TBX22: variants seen among roughly 807,000 people sequenced by gnomAD.
TBX22 encodes T-box transcription factor TBX22.
A neutral mutation model predicts 30.1 loss-of-function variants in TBX22; 8 were observed. That is an observed-to-expected ratio of 0.27 (90% CI 0.16 to 0.48). The LOEUF (loss-of-function observed/expected upper bound fraction) is 0.48, where lower values mean the gene tolerates loss of function less well. Among genes scored for constraint, TBX22 ranks in the 20% least tolerant of loss-of-function variants. The pLI, the probability that TBX22 is intolerant of heterozygous loss-of-function variation, is 0.99. For missense variants in TBX22, 463 were observed against 400.5 expected, an observed-to-expected ratio of 1.16 and a Z score of -1.33; for synonymous variants, 173 against 149.1, an observed-to-expected ratio of 1.16 and a Z score of -1.17.
chrX:80,018,833 T>A (rs1352077032), intron 1 of TBX22, among the ~76,000 whole-genome samples: 1 of 112,213 alleles, frequency 8.9e-6, no homozygotes, highest in African/African-American at 3.2e-5. Flanking sequence ...TTGTGTAAGG[T>A]CATTCAGATA....
chrX:80,029,732 T>A (rs936762905), intron 8 of TBX22, among the ~76,000 whole-genome samples: 1 of 112,237 alleles, frequency 8.9e-6, no homozygotes, highest in African/African-American at 3.2e-5. Flanking sequence ...AAACAACCAA[T>A]CAATTTGTGC....
At chrX:80,030,039 G>C (rs1346901041) in intron 8 of TBX22, among the ~76,000 whole-genome samples, 1 of 111,687 alleles carries the variant, frequency 9.0e-6, no homozygotes, top group African/African-American at 3.3e-5. Context: ...GTTGGGAGGG[G>C]ATGGTTTCGG....
At position 80,022,339 on chromosome X, in the gene TBX22, C is replaced by T; in HGVS notation, c.70C>T (p.Leu24Phe). 5 of 1,211,440 alleles carry T rather than the reference C, an allele frequency of 4.1e-6. No homozygotes were observed. Among genetic ancestry groups the T allele is most frequent in the Non-Finnish European group, 4.5e-6 (4 of 895,286 alleles). Residue 24 changes from leucine (L) to phenylalanine (F), a missense_variant, in exon 2 of 9, where the codon CTC becomes TTC. Transcript: ENST00000373296. ...GGTGGGGAGACCCAGCAAAAGAAAA[C>T]TCCAAGACCCAATACAGGCGGAGCA... Reference protein sequence around the residue: ...ALVGRPSKRKLQDPIQAEQPE... With the variant: ...ALVGRPSKRKFQDPIQAEQPE...
At chrX:80,022,144 G>A in intron 1 of TBX22, 124 bp from the exon 2 acceptor site, 1 of 655,914 alleles carries the variant, frequency 1.5e-6, no homozygotes. Context: ...GTTTTGTTTT[G>A]TTTTGTTTTT....
intron 3 of TBX22, among the ~76,000 whole-genome samples, chrX:80,023,604 C>T (rs1006139814): frequency 9.0e-6 from 1 of 111,498 alleles, no homozygotes; most frequent in African/African-American, 3.3e-5. Flanking sequence ...TCCTCGCGCC[C>T]GCTAGACCTG....
chrX:80,025,458 A>G (rs1255819858), intron 4 of TBX22, 145 bp from the exon 5 acceptor site: 3 of 527,874 alleles, frequency 5.7e-6, no homozygotes, highest in Non-Finnish European at 1.0e-5. Context: ...TTTGCCCCGA[A>G]TGCTTGTTAG....
chrX:80,019,775 G>T (rs867371920), intron 1 of TBX22, among the ~76,000 whole-genome samples: 1 of 111,561 alleles, frequency 9.0e-6, no homozygotes, highest in Non-Finnish European at 1.9e-5. Flanking sequence ...ATACAAGGGA[G>T]AGCTAAGCTA....
chrX:80,022,503 G>C, intron 2 of TBX22, 59 bp downstream of exon 2: 1 of 1,110,075 alleles, frequency 9.0e-7, no homozygotes, highest in Non-Finnish European at 1.2e-6. Flanking sequence ...GCATCTCTCC[G>C]CCTGGCTCGC....
rs1923937528 is a variant in TBX22, at chrX:80,025,676, G to A, written c.532G>A (p.Val178Ile). ...DHLCIIPRFY[V>I]HPDSPCSGET... ...TTTGTGCATCATTCCTAGATTCTAT[G>A]TTCACCCGGACTCACCCTGCTCGGG... The change falls in exon 5 of 9, where the codon GTT becomes ATT. Residue 178 changes from valine to isoleucine, a missense_variant. Transcript: ENST00000373296. 1.7e-6 allele frequency: 2 copies of A among 1,209,503 alleles called. No individual in the cohort carries two copies. The highest frequency in any genetic ancestry group is 3.0e-5 in the East Asian group (1 of 33,795).
At chrX:80,030,386 C>A in intron 8 of TBX22, 112 bp from the exon 9 acceptor site, 2 of 1,008,821 alleles carry the variant, frequency 2.0e-6, no homozygotes, top group Non-Finnish European at 2.8e-6. Flanking sequence ...TGTGAACTCA[C>A]AAGGAAAATT....
At chrX:80,023,486 T>C (rs1176187760) in intron 3 of TBX22, among the ~76,000 whole-genome samples, 2 of 111,260 alleles carry the variant, frequency 1.8e-5, no homozygotes, top group African/African-American at 6.6e-5. Flanking sequence ...CTTCCCCGTC[T>C]CCTGCCTGTG....
intron 1 of TBX22, among the ~76,000 whole-genome samples, chrX:80,019,350 G>A (rs1923582015): frequency 9.0e-6 from 1 of 110,819 alleles, no homozygotes; most frequent in South Asian, 3.8e-4. Flanking sequence ...TCAGATTCAT[G>A]TTCCACAAGC....
chrX:80,025,872 C>T, intron 5 of TBX22, 95 bp downstream of exon 5: 1 of 797,648 alleles, frequency 1.3e-6, no homozygotes, highest in African/African-American at 2.0e-5. Flanking sequence ...TTTGCAGATG[C>T]ACATGTTGTG....
chrX:80,024,522 G>A (rs1923877860), intron 4 of TBX22, among the ~76,000 whole-genome samples: 1 of 110,847 alleles, frequency 9.0e-6, no homozygotes, highest in Non-Finnish European at 1.9e-5. Context: ...CGGGTTGAAG[G>A]AATTGTGGGA....
intron 8 of TBX22, among the ~76,000 whole-genome samples, chrX:80,028,474 T>C (rs1229747740): frequency 2.7e-5 from 3 of 112,134 alleles, no homozygotes; most frequent in Non-Finnish European, 5.6e-5. Flanking sequence ...TTTCAGTACA[T>C]GTTAAAATGA....
Position 80,030,721 on chromosome X carries a change from T to C in TBX22, c.1173T>C (p.Pro391=), listed in dbSNP as rs1271943856. 8.3e-6 allele frequency: 10 copies of C among 1,211,993 alleles called. No individual in the cohort carries two copies. Among genetic ancestry groups the C allele is most frequent in the Non-Finnish European group, 1.1e-5 (10 of 895,524 alleles). ...AGCAACCTCTTGTTTTACCGGCTCC[T>C]GAAAGACTAGCAAGCAGCAACAGTT... is the stretch of plus-strand genomic sequence containing the variant. ...WQQQPLVLPA[P]ERLASSNSSQ... Residue 391 remains proline (P), a synonymous_variant, in exon 9 of 9, where the codon CCT becomes CCC. Transcript: ENST00000373296.
rs569103452 is a variant in TBX22 at position 80,029,928 on chromosome X, T to C, written c.950-570T>C. On this transcript the variant is annotated intron_variant, in intron 8 of 8. Transcript: ENST00000373296. ...CTTAATACATGATACATGGTAGTAG[T>C]GCTAAAAGTAATAGTGGTAGTAGTA... 3.1e-4 allele frequency among the ~76,000 whole-genome samples: 35 copies of C among 112,029 alleles called. No homozygotes were observed. The South Asian group carries it at 0.013, about 40-fold the overall frequency.
At chrX:80,018,918 C>A (rs7054998) in intron 1 of TBX22, among the ~76,000 whole-genome samples, 1,423 of 111,511 alleles carry the variant, frequency 0.013, 27 homozygotes, top group African/African-American at 0.043. Context: ...ACTGCTTGAG[C>A]CTTATTCCTA....
intron 1 of TBX22, among the ~76,000 whole-genome samples, chrX:80,020,048 T>TA (rs892631884): frequency 8.2e-5 from 9 of 109,943 alleles, no homozygotes; most frequent in East Asian, 2.8e-4. Context: ...AAAATCTATT[T>TA]AAAAAAAAAG....
Sources: gnomAD v4.1 joint callset for allele counts (sites outside exome capture counted in the v4.1 genomes callset) on GRCh38, gnomAD v4.1.1 for gene constraint, MANE v1.5 for transcripts, NCBI Gene and HGNC (gene_info 2026-07-23, HGNC 2026-07-21) for gene names.